MATCAP2: variants seen among roughly 807,000 people sequenced by gnomAD.
MATCAP2 encodes the protein microtubule associated tyrosine carboxypeptidase 2.
the MATCAP2 span, among the ~76,000 whole-genome samples, chr7:36,377,677 A>T: frequency 6.6e-6 from 1 of 152,112 alleles, no homozygotes; most frequent in Non-Finnish European, 1.5e-5. Context: ...GTTCTGCTGG[A>T]TAATATCCTG....
At chr7:36,365,824 T>C in the MATCAP2 span, among the ~76,000 whole-genome samples, 44 of 152,240 alleles carry the variant, frequency 2.9e-4, no homozygotes, top group South Asian at 4.1e-4. Context: ...AAGTAGCATC[T>C]ACATCAAATC....
the MATCAP2 span, among the ~76,000 whole-genome samples, chr7:36,346,263 T>C: frequency 6.6e-6 from 1 of 152,184 alleles, no homozygotes; most frequent in Non-Finnish European, 1.5e-5. Context: ...AAATTATATG[T>C]ACTAACAAGT....
chr7:36,390,127 C>A, the MATCAP2 span: 3 of 1,601,866 alleles, frequency 1.9e-6, no homozygotes, highest in Non-Finnish European at 2.6e-6. Context: ...TCTGGGCGAA[C>A]CCCCACCGGG....
At chr7:36,352,051 T>A in the MATCAP2 span, among the ~76,000 whole-genome samples, 3 of 152,086 alleles carry the variant, frequency 2.0e-5, no homozygotes, top group Non-Finnish European at 4.4e-5. Flanking sequence ...TCTTAAATTA[T>A]ATGGTTGTGA....
the MATCAP2 span, among the ~76,000 whole-genome samples, chr7:36,360,769 C>A: frequency 1.3e-5 from 2 of 152,172 alleles, no homozygotes; most frequent in African/African-American, 4.8e-5. Context: ...AGGCCGATAA[C>A]ATTTGACACA....
At chr7:36,385,292 ATTTTC>A in the MATCAP2 span, among the ~76,000 whole-genome samples, 2 of 152,302 alleles carry the variant, frequency 1.3e-5, no homozygotes, top group Admixed American at 6.5e-5. Context: ...TCAGAAGAGG[ATTTTC>A]TTTTCTTTTC....
chr7:36,340,452 C>T, the MATCAP2 span, among the ~76,000 whole-genome samples: 1 of 152,194 alleles, frequency 6.6e-6, no homozygotes, highest in Non-Finnish European at 1.5e-5. Context: ...AACAGCATAT[C>T]ACCTCCTTTG....
chr7:36,337,098 CAAAAAAAAAAAAAA>C, the MATCAP2 span, among the ~76,000 whole-genome samples: 2 of 18,528 alleles, frequency 1.1e-4, no homozygotes, highest in African/African-American at 6.5e-4. Context: ...AACTCCATCT[CAAAAAAAAAAAAAA>C]AAAAAAAAAA....
the MATCAP2 span, among the ~76,000 whole-genome samples, chr7:36,361,520 CAAAA>C: frequency 6.6e-6 from 1 of 152,246 alleles, no homozygotes; most frequent in South Asian, 2.1e-4. Flanking sequence ...TCATTACAAA[CAAAA>C]GAAAGGCCAA....
chr7:36,366,725 T>C, the MATCAP2 span: 2 of 1,535,274 alleles, frequency 1.3e-6, no homozygotes, highest in Non-Finnish European at 1.7e-6. Flanking sequence ...GACGAAAGGA[T>C]AAGGGGCCGA....
chr7:36,374,061 C>G, the MATCAP2 span, among the ~76,000 whole-genome samples: 1 of 152,050 alleles, frequency 6.6e-6, no homozygotes, highest in Non-Finnish European at 1.5e-5. Flanking sequence ...CGTGAGCCAC[C>G]ATGCCTGGCC....
chr7:36,332,948 C>T, the MATCAP2 span, among the ~76,000 whole-genome samples: 2 of 151,952 alleles, frequency 1.3e-5, no homozygotes, highest in Admixed American at 1.3e-4. Flanking sequence ...GTAGAGACTG[C>T]CTCTCTAGAT....
the MATCAP2 span, among the ~76,000 whole-genome samples, chr7:36,338,786 G>A: frequency 1.3e-5 from 2 of 152,198 alleles, no homozygotes; most frequent in Admixed American, 6.5e-5. Flanking sequence ...GGCCACCTAT[G>A]AGACTTCATC....
the MATCAP2 span, chr7:36,336,223 G>T: frequency 6.5e-7 from 1 of 1,535,954 alleles, no homozygotes. Context: ...TAGAGAGCAA[G>T]CTACCACCAG....
chr7:36,352,070 CCTT>C, the MATCAP2 span, among the ~76,000 whole-genome samples: 1 of 151,916 alleles, frequency 6.6e-6, no homozygotes, highest in African/African-American at 2.4e-5. Flanking sequence ...GATGAAAATG[CCTT>C]TTTTGAGAAA....
the MATCAP2 span, chr7:36,366,811 C>T: frequency 6.6e-7 from 1 of 1,524,242 alleles, no homozygotes; most frequent in Middle Eastern, 1.8e-4. Context: ...AGGGTGGAGT[C>T]CCGAGCGGCG....
the MATCAP2 span, among the ~76,000 whole-genome samples, chr7:36,347,533 C>T: frequency 5.9e-5 from 9 of 152,250 alleles, 1 homozygote; most frequent in South Asian, 4.1e-4. Context: ...TTAGGTTTGT[C>T]GTTGTACCTT....
the MATCAP2 span, among the ~76,000 whole-genome samples, chr7:36,350,314 A>G: frequency 4.7e-4 from 72 of 152,346 alleles, no homozygotes; most frequent in East Asian, 0.011. Flanking sequence ...GTGTTTTAAT[A>G]TAACAATGAA....
the MATCAP2 span, among the ~76,000 whole-genome samples, chr7:36,387,718 G>C: frequency 2.6e-5 from 4 of 152,182 alleles, no homozygotes; most frequent in Admixed American, 6.6e-5. Context: ...TACACTAAAT[G>C]TTGTGAGTAG....
Sources: gnomAD v4.1 joint callset for allele counts (sites outside exome capture counted in the v4.1 genomes callset) on GRCh38, gnomAD v4.1.1 for gene constraint, MANE v1.5 for transcripts, NCBI Gene and HGNC (gene_info 2026-07-23, HGNC 2026-07-21) for gene names.